TNPO1: variants seen among roughly 807,000 people sequenced by gnomAD.
TNPO1 encodes the protein transportin-1.
TNPO1 carries 8 observed loss-of-function variants against 119.5 expected under a neutral mutation model. The observed-to-expected ratio is 0.07, with a 90% CI of 0.04 to 0.12. The LOEUF is 0.12. Among genes scored for constraint, TNPO1 ranks in the 10% least tolerant of loss-of-function variants. The pLI, the probability that TNPO1 is intolerant of heterozygous loss-of-function variation, is 1.00. For missense variants in TNPO1, 576 were observed against 1,089.8 expected (o/e 0.53, Z 6.64); for synonymous variants, 362 against 363.0 (o/e 1.00, Z 0.03).
chr5:72,883,009 C>T (rs1748360250), intron 10 of TNPO1, 55 bp from the exon 11 acceptor site: 7 of 1,225,098 alleles, frequency 5.7e-6, no homozygotes, highest in South Asian at 1.2e-5. Context: ...TACTCATGTA[C>T]ATACTATTAG....
At position 72,897,108 on chromosome 5, in the gene TNPO1, C is replaced by G; in HGVS notation, c.2295C>G (p.Ile765Met). Residue 765 changes from isoleucine (I) to methionine (M), a missense_variant, in exon 20 of 25, where the codon ATC becomes ATG. By Grantham distance (10) the Ile-to-Met change is conservative (BLOSUM62 1). Around this residue, in one of 6 missense-constraint regions of TNPO1, gnomAD observed 162 missense variants for 294.1 expected, o/e 0.55. Transcript: ENST00000337273. Reference sequence around the variant, plus strand: ...TGGTGTTGCACCAGCTTGTAGAAATCATTAACAGACCCAACACACCAAAGA... The same window carrying G: ...TGGTGTTGCACCAGCTTGTAGAAATGATTAACAGACCCAACACACCAAAGA... ...IPMVLHQLVE[I>M]INRPNTPKTL... 2 of 1,612,034 alleles carry G rather than the reference C, an allele frequency of 1.2e-6. No homozygotes were observed. Among genetic ancestry groups the G allele is most frequent in the Non-Finnish European group, 1.7e-6 (2 of 1,179,302 alleles).
chr5:72,906,910 C>T (rs948494068), intron 24 of TNPO1, among the ~76,000 whole-genome samples: 2 of 152,092 alleles, frequency 1.3e-5, no homozygotes, highest in African/African-American at 4.8e-5. Flanking sequence ...GACTGGAAGC[C>T]AGAAGATGTG....
In TNPO1 at chr5:72,865,719, C is replaced by A; in HGVS notation, c.586C>A (p.Pro196Thr). Residue 196 changes from proline (P) to threonine (T), a missense_variant, in exon 6 of 25, where the codon CCA (proline) becomes ACA (threonine). Coordinates refer to ENST00000337273, the MANE Select transcript of TNPO1 (RefSeq NM_002270.4). ...TTTACAGTTCTTCAAGCATAGTAGT[C>A]CAAAAATAAGGTACTTATATTGCCA... is the stretch of plus-strand genomic sequence containing the variant. ...KFLQFFKHSSPKIRSHAVACV... is the reference protein window; with the variant it reads ...KFLQFFKHSSTKIRSHAVACV... The A allele has an allele frequency of 6.2e-7, 1 of 1,612,574 alleles. No homozygotes were observed. The highest frequency in any genetic ancestry group is 8.5e-7 in the Non-Finnish European group (1 of 1,179,514).
intron 9 of TNPO1, among the ~76,000 whole-genome samples, chr5:72,879,883 C>T (rs1198100819): frequency 6.6e-6 from 1 of 152,092 alleles, no homozygotes; most frequent in Non-Finnish European, 1.5e-5. Context: ...TAAATATAAA[C>T]TCATTTAGAA....
chr5:72,850,394 T>G (rs1745453280), intron 2 of TNPO1, among the ~76,000 whole-genome samples: 1 of 152,246 alleles, frequency 6.6e-6, no homozygotes, highest in African/African-American at 2.4e-5. Context: ...TTCGTTTACT[T>G]TCTGACCCAT....
At chr5:72,838,195 A>G (rs1744768055) in intron 1 of TNPO1, among the ~76,000 whole-genome samples, 1 of 152,170 alleles carries the variant, frequency 6.6e-6, no homozygotes, top group Non-Finnish European at 1.5e-5. Context: ...TTTTCTGCAT[A>G]CACTTGAAAA....
At chr5:72,848,012 A>C (rs982735060) in intron 1 of TNPO1, 1 of 972,128 alleles carries the variant, frequency 1.0e-6, no homozygotes, top group African/African-American at 1.8e-5. Flanking sequence ...TTAAGTCAGT[A>C]GTAATCTGGA....
At chr5:72,849,357 T>A (rs1483956060) in intron 2 of TNPO1, among the ~76,000 whole-genome samples, 1 of 152,188 alleles carries the variant, frequency 6.6e-6, no homozygotes, top group Non-Finnish European at 1.5e-5. Context: ...AAACATTCAC[T>A]CTATATCATG....
intron 1 of TNPO1, among the ~76,000 whole-genome samples, chr5:72,819,779 G>T (rs1004545362): frequency 2.6e-5 from 4 of 152,128 alleles, no homozygotes; most frequent in African/African-American, 7.2e-5. Flanking sequence ...TCAGATTTTG[G>T]CACCTTCTGT....
intron 5 of TNPO1, among the ~76,000 whole-genome samples, chr5:72,864,076 C>T (rs1430796921): frequency 6.6e-6 from 1 of 151,812 alleles, no homozygotes; most frequent in African/African-American, 2.4e-5. Context: ...TTTTTAATTG[C>T]CACATGGGTA....
chr5:72,911,986 G>T lies in TNPO1; in HGVS notation c.*3313G>T, dbSNP rs1340586135. 6.6e-6 allele frequency: 1 copy of T among 152,408 alleles called. No homozygotes were observed. Among genetic ancestry groups the T allele is most frequent in the African/African-American group, 2.4e-5 (1 of 41,404 alleles). The allele number at this position is 152,408 out of a possible 1,614,324, so 9.4% of individuals were successfully genotyped here. ...TCCATGTTACAGTCCATTAGCGAGTGAACTTAGTGCCACAGGTATTCATTT... is the reference window on the plus strand; with the variant it reads ...TCCATGTTACAGTCCATTAGCGAGTTAACTTAGTGCCACAGGTATTCATTT... On this transcript the variant is annotated 3_prime_UTR_variant, in exon 25 of 25. Coordinates refer to ENST00000337273, the MANE Select transcript of TNPO1 (RefSeq NM_002270.4).
intron 1 of TNPO1, among the ~76,000 whole-genome samples, chr5:72,837,727 C>T (rs1385874286): frequency 1.3e-5 from 2 of 152,128 alleles, no homozygotes; most frequent in Non-Finnish European, 2.9e-5. Flanking sequence ...GTGTAGTGTG[C>T]AGGGAACAAA....
chr5:72,909,612 A>T lies in TNPO1; in HGVS notation c.*939A>T, dbSNP rs268791. 0.11 allele frequency: 16,366 copies of T among 152,506 alleles called. 1,206 individuals carry two copies. Among genetic ancestry groups the T allele is most frequent in the East Asian group, 0.17 (879 of 5,182 alleles). The allele number at this position is 152,506 out of a possible 1,614,324, so 9.4% of individuals were successfully genotyped here. A position where few individuals can be genotyped will look rare whatever the true frequency, so the allele number is the denominator to read the frequency against. On this transcript the variant is annotated 3_prime_UTR_variant, in exon 25 of 25. Transcript: ENST00000337273. ...TGGGAAAGTAGCATGCTTGCATCAC[A>T]TAGAGTGAGATTGGTATTCATTTAC...
At chr5:72,906,489 A>C (rs1259613624) in intron 24 of TNPO1, among the ~76,000 whole-genome samples, 1 of 151,290 alleles carries the variant, frequency 6.6e-6, no homozygotes, top group Non-Finnish European at 1.5e-5. Flanking sequence ...ATGGGGTTTC[A>C]CCATGTTGGC....
In TNPO1 at chr5:72,903,609, C is replaced by G. The variant is rs1749939708; in HGVS notation, c.2515-100C>G. On this transcript the variant is annotated intron_variant, in intron 22 of 24. Transcript: ENST00000337273. ...ATTTTTAAATGTTTCCTTTTTTAAG[C>G]TAGATTCTATTGTGACATAAACTCT... 5 of 745,972 alleles carry G rather than the reference C, an allele frequency of 6.7e-6. No individual in the cohort carries two copies. The South Asian group carries it at 1.0e-4, about 15-fold the overall frequency. 46.2% of individuals were successfully genotyped at this position (745,972 alleles called of 1,614,324 possible). A position where few individuals can be genotyped will look rare whatever the true frequency, so the allele number is the denominator to read the frequency against.
intron 6 of TNPO1, among the ~76,000 whole-genome samples, chr5:72,868,039 C>T (rs1311542605): frequency 6.6e-6 from 1 of 152,140 alleles, no homozygotes; most frequent in East Asian, 1.9e-4. Context: ...CATTGATTTA[C>T]AGGAATTCTC....
At chr5:72,848,023 C>T (rs559481249) in intron 1 of TNPO1, 7 of 1,013,384 alleles carry the variant, frequency 6.9e-6, no homozygotes, top group Non-Finnish European at 8.3e-6. Context: ...GTAATCTGGA[C>T]GGAATTAGAG....
At chr5:72,827,324 T>C (rs2112177645) in intron 1 of TNPO1, among the ~76,000 whole-genome samples, 2 of 152,286 alleles carry the variant, frequency 1.3e-5, no homozygotes, top group East Asian at 3.9e-4. Context: ...ATCTGTGTGA[T>C]AGGAAACCAC....
chr5:72,841,582 G>A (rs138246480), intron 1 of TNPO1, among the ~76,000 whole-genome samples: 8,541 of 151,086 alleles, frequency 0.057, 363 homozygotes, highest in Non-Finnish European at 0.093. Context: ...CTTGTGATCC[G>A]CCCGCCTCGG....
Sources: gnomAD v4.1 joint callset for allele counts (sites outside exome capture counted in the v4.1 genomes callset) on GRCh38, gnomAD v4.1.1 for gene constraint, gnomAD v4.1.1 regional missense constraint, MANE v1.5 for transcripts, NCBI Gene and HGNC (gene_info 2026-07-23, HGNC 2026-07-21) for gene names.